The following MYO15A variants were observed in gnomAD, a reference collection of about 807,000 sequenced individuals.
The protein encoded by MYO15A is unconventional myosin-XV.
MYO15A carries 308 observed loss-of-function variants against 394.6 expected under a neutral mutation model. The ratio of observed to expected loss-of-function variants is 0.78; its 90% CI spans 0.71 to 0.86. MYO15A has a LOEUF of 0.86. Among genes scored for constraint, MYO15A ranks in the 40% least tolerant of loss-of-function variants. MYO15A has a pLI of 0.00. For synonymous variants in MYO15A, 1,957 were observed against 2,003.8 expected, an observed-to-expected ratio of 0.98 and a Z score of 0.62; for missense variants, 4,606 against 4,799.1, an observed-to-expected ratio of 0.96 and a Z score of 1.19.
chr17:18,165,608 CCTTAA>C (rs768634866), intron 60 of MYO15A, among the ~76,000 whole-genome samples: 62 of 152,220 alleles, frequency 4.1e-4, no homozygotes, highest in Non-Finnish European at 8.5e-4. Context: ...ATCTCCACAT[CCTTAA>C]CTTAATCACA....
At position 18,141,682 on chromosome 17, in the gene MYO15A, A is replaced by T. The variant is rs1192438600; in HGVS notation, c.5561A>T (p.Asp1854Val). ...TGCTGTCTAGTGGCCCTCAAGCATG[A>T]CCTGCCGGCTAATGGGGACATGTGT... ...RYCCLVALKH[D>V]LPANGDMCVS... Residue 1854 changes from aspartate to valine, a missense_variant, in exon 23 of 66, where the codon GAC becomes GTC. By Grantham distance (152) the Asp-to-Val change is radical. Around this residue, in one of 2 missense-constraint regions of MYO15A, gnomAD observed 2,776 missense variants for 3,109.3 expected, o/e 0.89. Transcript: ENST00000647165. 6.2e-7 allele frequency: 1 copy of T among 1,613,932 alleles called. No homozygotes were observed. Among genetic ancestry groups the T allele is most frequent in the East Asian group, 2.2e-5 (1 of 44,884 alleles).
At position 18,162,546 on chromosome 17, in the gene MYO15A, G is replaced by A. The variant is rs2046791554; in HGVS notation, c.9518-39G>A. Reference sequence around the variant, plus strand: ...GAGGAGCGAGCCCCTTTCTCCCACAGTCCACCTTGGGCGAGGCCTGAACTC... The same window carrying A: ...GAGGAGCGAGCCCCTTTCTCCCACAATCCACCTTGGGCGAGGCCTGAACTC... On this transcript the variant is annotated intron_variant, in intron 57 of 65. Coordinates refer to ENST00000647165, the MANE Select transcript of MYO15A (RefSeq NM_016239.4). 4 of 1,596,384 alleles carry A rather than the reference G, an allele frequency of 2.5e-6. No homozygotes were observed. The Admixed American group carries it at 5.1e-5, about 20-fold the overall frequency.
chr17:18,142,304 G>A (rs772885833), intron 24 of MYO15A, 50 bp downstream of exon 24: 1 of 1,585,916 alleles, frequency 6.3e-7, no homozygotes, highest in South Asian at 1.1e-5. Context: ...GTCAGGCTCG[G>A]GAGAGGTCAC....
intron 60 of MYO15A, among the ~76,000 whole-genome samples, chr17:18,165,889 A>T (rs1430285212): frequency 6.6e-6 from 1 of 152,146 alleles, no homozygotes; most frequent in Admixed American, 6.5e-5. Context: ...ACCCCCACCT[A>T]TGCCAGGTAC....
rs854791 is a variant in MYO15A at position 18,126,543 on chromosome 17, C to T, written c.3866+87C>T. ...GCCTGGATCCCGGCTGCACCTGAGC[C>T]ATGAGTCAGAGGTAATGGGGAAAGG... On this transcript the variant is annotated intron_variant, in intron 5 of 65. Coordinates refer to ENST00000647165, the MANE Select transcript of MYO15A (RefSeq NM_016239.4). 460,853 of 1,307,242 alleles carry T rather than the reference C, an allele frequency of 0.35. 90,672 individuals carry two copies. The highest frequency in any genetic ancestry group is 0.7 in the South Asian group (55,813 of 80,304). 81.0% of individuals were successfully genotyped at this position (1,307,242 alleles called of 1,614,324 possible). A position where few individuals can be genotyped will look rare whatever the true frequency, so the allele number is the denominator to read the frequency against.
At position 18,119,825 on chromosome 17, in the gene MYO15A, A is replaced by G. The variant is rs764698906; in HGVS notation, c.1025A>G (p.Tyr342Cys). The G allele has an allele frequency of 9.3e-6, 15 of 1,612,866 alleles. No homozygotes were observed. In the Middle Eastern group the frequency reaches 4.9e-4, roughly 53 times the overall value. The part of the protein sequence containing the change: ...YEGEAHPYGY[Y>C]LDPYAPYDAP... ...GGCGAGGCGCACCCTTATGGCTACTACCTGGATCCCTATGCGCCGTACGAC... is the reference window on the plus strand; with the variant it reads ...GGCGAGGCGCACCCTTATGGCTACTGCCTGGATCCCTATGCGCCGTACGAC... The change falls in exon 2 of 66, where the codon TAC becomes TGC. Residue 342 changes from tyrosine (Y) to cysteine (C), a missense_variant. Around this residue, in one of 2 missense-constraint regions of MYO15A, gnomAD observed 1,830 missense variants for 1,689.7 expected, o/e 1.08. Coordinates refer to ENST00000647165, the MANE Select transcript of MYO15A (RefSeq NM_016239.4).
At chr17:18,166,992 T>C (rs1032604623) in intron 61 of MYO15A, among the ~76,000 whole-genome samples, 1 of 152,192 alleles carries the variant, frequency 6.6e-6, no homozygotes, top group Admixed American at 6.5e-5. Flanking sequence ...ACTGTGCCAG[T>C]ATGTGTGGAA....
chr17:18,145,870 A>C lies in MYO15A; in HGVS notation c.6274-2A>C. 1 of 1,613,068 alleles carries C rather than the reference A, an allele frequency of 6.2e-7. No individual in the cohort carries two copies. Among genetic ancestry groups the C allele is most frequent in the Non-Finnish European group, 8.5e-7 (1 of 1,179,920 alleles). ...GCCCAGGAGACTCTGTTCGTGGCCC[A>C]GATCCTGCGCTTCATGGGCGACCCC... is the stretch of plus-strand genomic sequence containing the variant. On this transcript the variant is annotated splice_acceptor_variant, in intron 29 of 65. Transcript: ENST00000647165. LOFTEE classifies it high-confidence loss of function.
At position 18,179,096 on chromosome 17, in the gene MYO15A, T is replaced by C; in HGVS notation, c.*226T>C. 1.6e-6 allele frequency: 1 copy of C among 609,330 alleles called. No homozygotes were observed. Among genetic ancestry groups the C allele is most frequent in the East Asian group, 2.8e-5 (1 of 35,604 alleles). 37.7% of individuals were successfully genotyped at this position (609,330 alleles called of 1,614,324 possible). A position where few individuals can be genotyped will look rare whatever the true frequency, so the allele number is the denominator to read the frequency against. Reference sequence around the variant, plus strand: ...ACTTGGATCAGATAGCAGGAGGAACTTTCAAAAGTCTGGCCCACTGTGCAG... The same window carrying C: ...ACTTGGATCAGATAGCAGGAGGAACCTTCAAAAGTCTGGCCCACTGTGCAG... On this transcript the variant is annotated 3_prime_UTR_variant, in exon 66 of 66. Transcript: ENST00000647165.
intron 35 of MYO15A, chr17:18,149,889 GC>G (rs1215538355): frequency 1.4e-5 from 6 of 444,258 alleles, no homozygotes; most frequent in Non-Finnish European, 2.5e-5. Context: ...GGAGTCTGAG[GC>G]TGCAGTGAGC....
At chr17:18,116,282 T>TGG (rs781014814) in intron 1 of MYO15A, among the ~76,000 whole-genome samples, 2 of 152,156 alleles carry the variant, frequency 1.3e-5, no homozygotes, top group Non-Finnish European at 2.9e-5. Flanking sequence ...GAGCAGGTTG[T>TGG]GGGGTTAGCA....
chr17:18,133,161 A>G, intron 11 of MYO15A, 64 bp from the exon 12 acceptor site: 1 of 1,560,488 alleles, frequency 6.4e-7, no homozygotes, highest in Non-Finnish European at 8.8e-7. Context: ...AGGGCAGAGC[A>G]GGACCTGGAG....
chr17:18,158,035 T>A (rs1273593362), intron 51 of MYO15A, 135 bp downstream of exon 51: 8 of 1,275,358 alleles, frequency 6.3e-6, no homozygotes, highest in Non-Finnish European at 7.3e-6. Flanking sequence ...CTTGGACTAG[T>A]GTGAGGGTGA....
chr17:18,166,314 G>A lies in MYO15A; in HGVS notation c.9788-47G>A, dbSNP rs72827432. 2.5e-6 allele frequency: 4 copies of A among 1,602,888 alleles called. No individual in the cohort carries two copies. The African/African-American group carries it at 4.0e-5, about 16-fold the overall frequency. ...ATGCTCTGTACAGGTGCACACATGTGTGTGCACACATGCCCCCACCCAGCC... is the reference window on the plus strand; with the variant it reads ...ATGCTCTGTACAGGTGCACACATGTATGTGCACACATGCCCCCACCCAGCC... On this transcript the variant is annotated intron_variant, in intron 60 of 65. Transcript: ENST00000647165.
In MYO15A at chr17:18,120,892, C is replaced by G; in HGVS notation, c.2092C>G (p.Arg698Gly). 1 of 1,381,498 alleles carries G rather than the reference C, an allele frequency of 7.2e-7. No homozygotes were observed. Among genetic ancestry groups the G allele is most frequent in the African/African-American group, 1.5e-5 (1 of 64,814 alleles). 85.6% of individuals were successfully genotyped at this position (1,381,498 alleles called of 1,614,324 possible). ...GCCGGCCTCGCCCTACGGCTCCCTC[C>G]GCCGCCACCCGCCGCCCTGGGCCGC... Reference protein sequence around the residue: ...PRPASPYGSLRRHPPPWAAPA... With the variant: ...PRPASPYGSLGRHPPPWAAPA... Residue 698 changes from arginine to glycine, a missense_variant, in exon 2 of 66, where the codon CGC becomes GGC. Coordinates refer to ENST00000647165, the MANE Select transcript of MYO15A (RefSeq NM_016239.4).
intron 65 of MYO15A, among the ~76,000 whole-genome samples, chr17:18,176,366 G>C (rs1453862747): frequency 6.6e-6 from 1 of 151,918 alleles, no homozygotes; most frequent in African/African-American, 2.4e-5. Context: ...GGGAACAAGA[G>C]AGAGAGGGCC....
At chr17:18,143,828 G>A (rs2046428264) in intron 27 of MYO15A, 32 bp downstream of exon 27, 16 of 1,570,716 alleles carry the variant, frequency 1.0e-5, no homozygotes, top group Non-Finnish European at 1.4e-5. Flanking sequence ...GGAGGGCCCA[G>A]GCAGATCAGA....
intron 7 of MYO15A, 60 bp downstream of exon 7, chr17:18,127,225 T>C: frequency 1.3e-6 from 2 of 1,580,598 alleles, no homozygotes; most frequent in Non-Finnish European, 1.7e-6. Flanking sequence ...GCACACCTCA[T>C]GTACTCCCGA....
In MYO15A at chr17:18,161,421, G is replaced by A. The variant is rs2046775361; in HGVS notation, c.9491G>A (p.Ser3164Asn). The A allele has an allele frequency of 6.2e-7, 1 of 1,613,898 alleles. No homozygotes were observed. The highest frequency in any genetic ancestry group is 1.3e-5 in the African/African-American group (1 of 74,928). Residue 3164 changes from serine (S) to asparagine (N), a missense_variant, in exon 57 of 66, where the codon AGC becomes AAC. By Grantham distance (46) the Ser-to-Asn change is conservative. Around this residue, in one of 2 missense-constraint regions of MYO15A, gnomAD observed 2,776 missense variants for 3,109.3 expected, o/e 0.89. Transcript: ENST00000647165. ...PHLTRFLQDV[S>N]RTPGLPFQGI... is the part of the protein sequence containing the mutation. ...CTCACTCGCTTCCTCCAAGACGTGA[G>A]CCGGACCCCAGGCCTGCCCTTTCAG...
Sources: allele counts gnomAD v4.1 joint callset (sites outside exome capture counted in the v4.1 genomes callset), GRCh38; gene constraint gnomAD v4.1.1; regional missense constraint gnomAD v4.1.1; transcripts MANE v1.5; gene names NCBI Gene and HGNC (gene_info 2026-07-23, HGNC 2026-07-21).